The following CTTNBP2NL variants were observed in gnomAD, a reference collection of about 807,000 sequenced individuals.
The protein encoded by CTTNBP2NL is CTTNBP2 N-terminal-like protein.
Under a neutral mutation model 32.5 loss-of-function variants are expected in CTTNBP2NL, and 16 were observed. That is an observed-to-expected ratio of 0.49 (90% CI 0.33 to 0.75). The LOEUF (loss-of-function observed/expected upper bound fraction) is 0.75, where lower values mean the gene tolerates loss of function less well. CTTNBP2NL is among the 30% of genes least tolerant of loss of function. CTTNBP2NL has a pLI of 0.02. For missense variants in CTTNBP2NL, 645 were observed against 756.0 expected, an observed-to-expected ratio of 0.85 and a Z score of 1.72; for synonymous variants, 298 against 289.4, an observed-to-expected ratio of 1.03 and a Z score of -0.30.
upstream of CTTNBP2NL, among the ~76,000 whole-genome samples, chr1:112,396,000 G>A (rs192786701): frequency 5.6e-3 from 855 of 152,348 alleles, 7 homozygotes; most frequent in Non-Finnish European, 9.1e-3. Context: ...CAGGACCCAG[G>A]AGGGCGCTTC....
upstream of CTTNBP2NL, among the ~76,000 whole-genome samples, chr1:112,394,537 C>G (rs1648264212): frequency 6.6e-6 from 1 of 152,200 alleles, no homozygotes; most frequent in African/African-American, 2.4e-5. Context: ...TTTCAGAACA[C>G]AAGGCATAAT....
At chr1:112,421,204 C>T (rs570030818) in intron 3 of CTTNBP2NL, among the ~76,000 whole-genome samples, 14 of 151,832 alleles carry the variant, frequency 9.2e-5, no homozygotes, top group Admixed American at 5.9e-4. Flanking sequence ...TTTGGGAGGC[C>T]GAGGCAGGAG....
At position 112,449,191 on chromosome 1, in the gene CTTNBP2NL, A is replaced by G; in HGVS notation, c.330+19A>G. 2 of 1,423,086 alleles carry G rather than the reference A, an allele frequency of 1.4e-6. No individual in the cohort carries two copies. The highest frequency in any genetic ancestry group is 2.0e-6 in the Non-Finnish European group (2 of 1,009,616). 88.2% of individuals were successfully genotyped at this position (1,423,086 alleles called of 1,614,324 possible). ...CCGAAAGGTAGGTTCACCTCAGTTGATGTGTAAATCTTTGTGAAGTCTTTA... is the reference window on the plus strand; with the variant it reads ...CCGAAAGGTAGGTTCACCTCAGTTGGTGTGTAAATCTTTGTGAAGTCTTTA... On this transcript the variant is annotated intron_variant, in intron 4 of 5. Transcript: ENST00000271277.
chr1:112,447,925 C>A (rs954954930), intron 3 of CTTNBP2NL, among the ~76,000 whole-genome samples: 1 of 152,132 alleles, frequency 6.6e-6, no homozygotes, highest in Non-Finnish European at 1.5e-5. Context: ...TGTAAAATAT[C>A]TCAAGAAACT....
At chr1:112,410,106 G>C (rs529071454) in intron 1 of CTTNBP2NL, among the ~76,000 whole-genome samples, 1 of 152,262 alleles carries the variant, frequency 6.6e-6, no homozygotes, top group Non-Finnish European at 1.5e-5. Flanking sequence ...ATAAAAATAA[G>C]TGTAGGCCGG....
At chr1:112,428,222 A>G (rs2101013304) in intron 3 of CTTNBP2NL, among the ~76,000 whole-genome samples, 1 of 152,282 alleles carries the variant, frequency 6.6e-6, no homozygotes, top group African/African-American at 2.4e-5. Flanking sequence ...TTTTCTTCAG[A>G]ACTTCTGCTT....
chr1:112,391,755 C>T (rs1219101609), upstream of CTTNBP2NL, among the ~76,000 whole-genome samples: 7 of 152,046 alleles, frequency 4.6e-5, no homozygotes, highest in South Asian at 1.2e-3. Flanking sequence ...TTTGGGAGGC[C>T]GAGGCAAGTG....
intron 3 of CTTNBP2NL, among the ~76,000 whole-genome samples, chr1:112,440,752 G>C (rs1173604086): frequency 1.3e-5 from 2 of 152,078 alleles, no homozygotes; most frequent in Non-Finnish European, 2.9e-5. Context: ...AATTAGCTTT[G>C]TGACCTTGGG....
At chr1:112,444,307 T>A (rs1028372738) in intron 3 of CTTNBP2NL, among the ~76,000 whole-genome samples, 1 of 152,246 alleles carries the variant, frequency 6.6e-6, no homozygotes, top group African/African-American at 2.4e-5. Context: ...ACACACACAC[T>A]GTACTGGGAA....
chr1:112,398,750 A>T (rs1169220782), intron 1 of CTTNBP2NL, among the ~76,000 whole-genome samples: 1 of 149,416 alleles, frequency 6.7e-6, no homozygotes, highest in African/African-American at 2.5e-5. Flanking sequence ...GTTTGAGGTT[A>T]CAGTGAGCTA....
chr1:112,425,076 A>G (rs1211617415), intron 3 of CTTNBP2NL, among the ~76,000 whole-genome samples: 1 of 147,658 alleles, frequency 6.8e-6, no homozygotes, highest in East Asian at 2.0e-4. Context: ...TGATCCTCCC[A>G]CCTCACCCTC....
chr1:112,410,333 G>A (rs572003039), intron 1 of CTTNBP2NL, among the ~76,000 whole-genome samples: 19 of 151,556 alleles, frequency 1.3e-4, no homozygotes, highest in African/African-American at 3.6e-4. Context: ...CGAAGGCTGC[G>A]GTGATCAAGA....
chr1:112,452,625 T>C (rs2101033037), intron 4 of CTTNBP2NL, among the ~76,000 whole-genome samples: 1 of 144,990 alleles, frequency 6.9e-6, no homozygotes, highest in Non-Finnish European at 1.5e-5. Context: ...ATTACAGGCA[T>C]GAGCCACCAC....
chr1:112,400,990 A>T (rs1473746255), intron 1 of CTTNBP2NL, among the ~76,000 whole-genome samples: 3 of 147,008 alleles, frequency 2.0e-5, no homozygotes, highest in Admixed American at 1.4e-4. Context: ...AAAAAAAAAA[A>T]GGATTACATG....
chr1:112,433,457 A>G (rs1408057151), intron 3 of CTTNBP2NL, among the ~76,000 whole-genome samples: 1 of 152,166 alleles, frequency 6.6e-6, no homozygotes, highest in Non-Finnish European at 1.5e-5. Flanking sequence ...ACCAGGCACA[A>G]TGGTGCATGC....
chr1:112,397,942 C>T (rs558148974), intron 1 of CTTNBP2NL, among the ~76,000 whole-genome samples: 1 of 152,268 alleles, frequency 6.6e-6, no homozygotes, highest in Non-Finnish European at 1.5e-5. Context: ...CAGAGCCACT[C>T]GGTGCTCACA....
In CTTNBP2NL at chr1:112,458,121, A is replaced by G. The variant is rs1206300792; in HGVS notation, c.*709A>G. 2 of 152,640 alleles carry G rather than the reference A, an allele frequency of 1.3e-5. No homozygotes were observed. The highest frequency in any genetic ancestry group is 6.5e-5 in the Admixed American group (1 of 15,280). The allele number at this position is 152,640 out of a possible 1,614,324, so 9.5% of individuals were successfully genotyped here. A position where few individuals can be genotyped will look rare whatever the true frequency, so the allele number is the denominator to read the frequency against. ...AATTAAGTCACTCCCAGTTTCCTGC[A>G]TAAGTTCTTGAACAGAATGAAATCA... On this transcript the variant is annotated 3_prime_UTR_variant, in exon 6 of 6. Transcript: ENST00000271277.
chr1:112,416,184 A>T lies in CTTNBP2NL; in HGVS notation c.19A>T (p.Ser7Cys). 1 of 1,603,194 alleles carries T rather than the reference A, an allele frequency of 6.2e-7. No homozygotes were observed. Among genetic ancestry groups the T allele is most frequent in the Non-Finnish European group, 8.5e-7 (1 of 1,174,700 alleles). ...TTTCAAGATGAATCTGGAAAAACTC[A>T]GCAAGCCTGAACTCCTGACACTATT... MNLEKL[S>C]KPELLTLFSI... The change falls in exon 3 of 6, where the codon AGC (serine) becomes TGC (cysteine). Residue 7 changes from serine (S) to cysteine (C), a missense_variant. Coordinates refer to ENST00000271277, the MANE Select transcript of CTTNBP2NL (RefSeq NM_018704.3).
intron 3 of CTTNBP2NL, among the ~76,000 whole-genome samples, chr1:112,431,102 A>G (rs1173497050): frequency 6.6e-6 from 1 of 152,264 alleles, no homozygotes; most frequent in East Asian, 1.9e-4. Flanking sequence ...AATTCAGTTT[A>G]TAAAACAGTA....
Sources: gnomAD v4.1 joint callset for allele counts (sites outside exome capture counted in the v4.1 genomes callset) on GRCh38, gnomAD v4.1.1 for gene constraint, MANE v1.5 for transcripts, NCBI Gene and HGNC (gene_info 2026-07-23, HGNC 2026-07-21) for gene names.